The following BPTF variants were observed in gnomAD, a reference collection of about 807,000 sequenced individuals.
The protein encoded by BPTF is bromodomain PHD finger transcription factor.
A neutral mutation model predicts 292.5 loss-of-function variants in BPTF; 18 were observed. The observed-to-expected ratio is 0.06, with a 90% CI of 0.04 to 0.09. The LOEUF (loss-of-function observed/expected upper bound fraction) is 0.09. Ranked by LOEUF, BPTF falls within the 10% of genes least tolerant of loss-of-function variation. The probability of loss-of-function intolerance (pLI) is 1.00; values close to 1 mark genes in which losing one functional copy is unlikely to be tolerated. For missense variants in BPTF, 2,726 were observed against 3,498.7 expected (o/e 0.78, Z 5.57); for synonymous variants, 1,225 against 1,251.9 (o/e 0.98, Z 0.45).
intron 13 of BPTF, among the ~76,000 whole-genome samples, chr17:67,921,209 C>CAAAAAAAAA (rs60707445): frequency 6.1e-5 from 3 of 49,228 alleles, no homozygotes; most frequent in Non-Finnish European, 1.0e-4. Context: ...GAATCCGTGT[C>CAAAAAAAAA]AAAAAAAAAA....
rs1346441553 is a variant in BPTF, at chr17:67,826,094, G to A, written c.370G>A (p.Val124Met). 1.0e-5 allele frequency: 14 copies of A among 1,367,564 alleles called. No homozygotes were observed. The highest frequency in any genetic ancestry group is 2.0e-5 in the Admixed American group (1 of 50,310). 84.7% of individuals were successfully genotyped at this position (1,367,564 alleles called of 1,614,324 possible). ...TTAARRAVNK[V>M]VYDDHESEEE... ...CGCGGCCCGGAGGGCCGTCAACAAA[G>A]TGGTGTACGATGACCACGAGAGCGA... The change falls in exon 1 of 28, where the codon GTG (valine) becomes ATG (methionine). Residue 124 changes from valine to methionine, a missense_variant. By Grantham distance (21) the Val-to-Met change is conservative (BLOSUM62 1). Transcript: ENST00000306378.
At chr17:67,933,733 G>T (rs2064639451) in intron 18 of BPTF, among the ~76,000 whole-genome samples, 1 of 152,054 alleles carries the variant, frequency 6.6e-6, no homozygotes, top group Non-Finnish European at 1.5e-5. Flanking sequence ...ATCAACTTTT[G>T]TGCCTTCTGA....
Position 67,928,561 on chromosome 17 carries a change from A to C in BPTF, c.5958A>C (p.Gln1986His). Residue 1986 changes from glutamine (Q) to histidine (H), a missense_variant, in exon 16 of 28, where the codon CAA becomes CAC. Gln to His is a conservative substitution (Grantham distance 24). Coordinates refer to ENST00000306378, the MANE Select transcript of BPTF (RefSeq NM_182641.4). Reference sequence around the variant, plus strand: ...TCCAACAAAACAAGAACTTTCATCAAACCTTTGCTACATGGGTTAAGCAAG... The same window carrying C: ...TCCAACAAAACAAGAACTTTCATCACACCTTTGCTACATGGGTTAAGCAAG... ...VTFQQNKNFH[Q>H]TFATWVKQGQ... The C allele has an allele frequency of 6.2e-7, 1 of 1,614,198 alleles. No individual in the cohort carries two copies. The highest frequency in any genetic ancestry group is 8.5e-7 in the Non-Finnish European group (1 of 1,180,016).
chr17:67,922,999 A>G lies in BPTF; in HGVS notation c.5708+9A>G. 6.2e-7 allele frequency: 1 copy of G among 1,611,598 alleles called. No individual in the cohort carries two copies. Among genetic ancestry groups the G allele is most frequent in the Non-Finnish European group, 8.5e-7 (1 of 1,179,240 alleles). ...AGGGCATTTGCTGAGAGGTAAGGAA[A>G]TGGTTAATACCTGGTCAGCTATTTG... On this transcript the variant is annotated intron_variant, in intron 14 of 27. Coordinates refer to ENST00000306378, the MANE Select transcript of BPTF (RefSeq NM_182641.4).
At position 67,959,625 on chromosome 17, in the gene BPTF, C is replaced by G; in HGVS notation, c.8011C>G (p.Pro2671Ala). 1 of 1,588,742 alleles carries G rather than the reference C, an allele frequency of 6.3e-7. No homozygotes were observed. The highest frequency in any genetic ancestry group is 8.5e-7 in the Non-Finnish European group (1 of 1,171,116). The change falls in exon 24 of 28, where the codon CCC becomes GCC. Residue 2671 changes from proline (P) to alanine (A), a missense_variant. Coordinates refer to ENST00000306378, the MANE Select transcript of BPTF (RefSeq NM_182641.4). ...AQATAVAAPC[P>A]PVTPAPPAPP... ...GGCCACAGCAGTAGCTGCACCCTGC[C>G]CCCCAGTGACACCAGCTCCTCCAGC...
At chr17:67,897,916 A>G (rs2061557352) in intron 7 of BPTF, among the ~76,000 whole-genome samples, 1 of 152,170 alleles carries the variant, frequency 6.6e-6, no homozygotes, top group African/African-American at 2.4e-5. Flanking sequence ...ATTTATTAAT[A>G]ATTAATAGCA....
chr17:67,877,484 C>T (rs2060120565), intron 4 of BPTF, among the ~76,000 whole-genome samples: 1 of 152,150 alleles, frequency 6.6e-6, no homozygotes, highest in African/African-American at 2.4e-5. Context: ...AGAACAATAG[C>T]CGTGATAGAA....
At chr17:67,872,705 C>CA (rs940335643) in intron 3 of BPTF, among the ~76,000 whole-genome samples, 210 of 148,196 alleles carry the variant, frequency 1.4e-3, no homozygotes, top group African/African-American at 4.4e-3. Flanking sequence ...GATTCTGTCT[C>CA]AAAAAAAAAG....
chr17:67,879,323 G>A lies in BPTF; in HGVS notation c.1864+4303G>A, dbSNP rs370229572. On this transcript the variant is annotated intron_variant, in intron 4 of 27. Transcript: ENST00000306378. ...CGTCTGGCTAATTTTTGTATTTTTA[G>A]TAGAGACGGGGTTTCACCATGTTGG... Among the ~76,000 whole-genome samples, 103 of 151,994 alleles carry A rather than the reference G, an allele frequency of 6.8e-4. 4 individuals carry two copies. In the South Asian group the frequency reaches 0.021, roughly 31 times the overall value.
chr17:67,827,930 CT>C (rs35169238), intron 1 of BPTF, among the ~76,000 whole-genome samples: 35,754 of 128,878 alleles, frequency 0.28, 5,422 homozygotes, highest in East Asian at 0.63. Flanking sequence ...AATTTTAGTA[CT>C]TTTTTTTTTT....
chr17:67,911,210 C>T lies in BPTF; in HGVS notation c.3326C>T (p.Thr1109Met), dbSNP rs1248933500. The change falls in exon 11 of 28, where the codon ACG becomes ATG. Residue 1109 changes from threonine (T) to methionine (M), a missense_variant. By Grantham distance (81) the Thr-to-Met change is moderately conservative. Transcript: ENST00000306378. ...SKNLSESPVI[T>M]KAKEGCQSDS... The stretch of plus-strand genomic sequence containing the variant: ...AATCTCTCTGAATCACCAGTAATAA[C>T]GAAAGCAAAAGAAGGGTGTCAGAGT... The T allele has an allele frequency of 6.8e-6, 11 of 1,613,832 alleles. No homozygotes were observed. Among genetic ancestry groups the T allele is most frequent in the Admixed American group, 1.7e-5 (1 of 59,990 alleles).
intron 23 of BPTF, among the ~76,000 whole-genome samples, chr17:67,952,054 CAAA>C (rs56099409): frequency 1.4e-5 from 1 of 71,386 alleles, no homozygotes; most frequent in African/African-American, 5.8e-5. Context: ...GACTCTGTCT[CAAA>C]AAAAAAAAAA....
At chr17:67,922,236 C>T (rs1472937419) in intron 13 of BPTF, among the ~76,000 whole-genome samples, 1 of 152,144 alleles carries the variant, frequency 6.6e-6, no homozygotes, top group Non-Finnish European at 1.5e-5. Flanking sequence ...TTTCTGTTTC[C>T]TTCTGCTGCT....
rs2056968962 is a variant in BPTF at position 67,834,447 on chromosome 17, G to A, written c.613+8110G>A. Among the ~76,000 whole-genome samples, 2 of 152,078 alleles carry A rather than the reference G, an allele frequency of 1.3e-5. 1 individual carries two copies. The highest frequency in any genetic ancestry group is 4.1e-4 in the South Asian group (2 of 4,832). Reference sequence around the variant, plus strand: ...CAATTAGGTCAAGTTTGTTGATAATGTTACTAAGATCTGTCTGACTTTCTG... The same window carrying A: ...CAATTAGGTCAAGTTTGTTGATAATATTACTAAGATCTGTCTGACTTTCTG... On this transcript the variant is annotated intron_variant, in intron 1 of 27. Transcript: ENST00000306378.
chr17:67,916,807 CAG>C lies in BPTF; in HGVS notation c.5304-1904_5304-1903del, dbSNP rs1436042030. ...AAAAGAAAGCATTGCCTTTTACATA[CAG>C]AGTTGTTTGAGATTTACCTTCCACC... On this transcript the variant is annotated intron_variant, in intron 11 of 27. Transcript: ENST00000306378. Among the ~76,000 whole-genome samples, 3 of 147,904 alleles carry C rather than the reference CAG, an allele frequency of 2.0e-5. No homozygotes were observed. In the East Asian group the frequency reaches 5.9e-4, roughly 29 times the overall value.
At chr17:67,943,751 T>C (rs2065581345) in intron 19 of BPTF, among the ~76,000 whole-genome samples, 1 of 152,200 alleles carries the variant, frequency 6.6e-6, no homozygotes, top group African/African-American at 2.4e-5. Flanking sequence ...ACAAGTCCAT[T>C]GTGAGAATCA....
intron 18 of BPTF, 135 bp from the exon 19 acceptor site, chr17:67,940,304 T>C: frequency 1.2e-6 from 1 of 833,284 alleles, no homozygotes; most frequent in Non-Finnish European, 1.9e-6. Context: ...TGTCTGAATG[T>C]ATCCTTAGGC....
chr17:67,907,848 C>A (rs758958385), intron 9 of BPTF, among the ~76,000 whole-genome samples: 6 of 152,186 alleles, frequency 3.9e-5, no homozygotes, highest in Non-Finnish European at 7.3e-5. Flanking sequence ...ATCTGATTCT[C>A]AGTCCATATT....
chr17:67,858,867 G>T (rs2058897366), intron 2 of BPTF, among the ~76,000 whole-genome samples: 1 of 152,072 alleles, frequency 6.6e-6, no homozygotes, highest in South Asian at 2.1e-4. Flanking sequence ...TCCCTGTGCT[G>T]CCCTTTTTGG....
Sources: allele counts gnomAD v4.1 joint callset (sites outside exome capture counted in the v4.1 genomes callset), GRCh38; gene constraint gnomAD v4.1.1; transcripts MANE v1.5; gene names NCBI Gene and HGNC (gene_info 2026-07-23, HGNC 2026-07-21).